The following ACKR5 variants were observed in gnomAD, a reference collection of about 807,000 sequenced individuals.
ACKR5 encodes the protein atypical chemokine receptor 5.
the ACKR5 span, chr12:56,994,784 C>T: frequency 3.0e-5 from 6 of 199,830 alleles, no homozygotes; most frequent in African/African-American, 1.2e-4. Flanking sequence ...TCCACACTCA[C>T]GGTCCAAATA....
chr12:56,996,754 C>T, the ACKR5 span: 8 of 266,110 alleles, frequency 3.0e-5, no homozygotes, highest in Non-Finnish European at 5.0e-5. Flanking sequence ...AAGAGGTGCT[C>T]GGCAGAGGAA....
the ACKR5 span, chr12:56,995,055 GT>G: frequency 3.0e-6 from 2 of 671,624 alleles, no homozygotes; most frequent in South Asian, 3.6e-5. This position sits in a 1 kb window ranked among gnomAD's most constrained non-coding sequence, Gnocchi z 4.7. Flanking sequence ...TTTATTCACA[GT>G]TTGAAAGCTA....
At chr12:56,996,495 GA>G in the ACKR5 span, 28 of 1,388,970 alleles carry the variant, frequency 2.0e-5, no homozygotes, top group Non-Finnish European at 2.6e-5. Context: ...GATTTGGGGG[GA>G]TGTAGAGGGG....
the ACKR5 span, chr12:56,995,382 C>T: frequency 6.2e-6 from 10 of 1,614,204 alleles, no homozygotes; most frequent in South Asian, 1.1e-5. The surrounding 1 kb of genome is among the most constrained non-coding windows in gnomAD (Gnocchi z 4.7). Flanking sequence ...GTCCTCTTTG[C>T]CCTCTACCTG....
the ACKR5 span, chr12:56,995,714 G>A: frequency 4.3e-6 from 7 of 1,613,832 alleles, no homozygotes; most frequent in Non-Finnish European, 5.9e-6. The surrounding 1 kb of genome is among the most constrained non-coding windows in gnomAD (Gnocchi z 4.7). Context: ...CCAGCACCGA[G>A]TGCGGCGGGC....
At chr12:56,995,335 G>A in the ACKR5 span, 5 of 1,614,100 alleles carry the variant, frequency 3.1e-6, no homozygotes, top group Non-Finnish European at 4.2e-6. This position sits in a 1 kb window ranked among gnomAD's most constrained non-coding sequence, Gnocchi z 4.7. Flanking sequence ...CTTTGTCTGA[G>A]TGCCACGTGG....
At chr12:56,995,327 T>C in the ACKR5 span, 1 of 1,614,164 alleles carries the variant, frequency 6.2e-7, no homozygotes, top group South Asian at 1.1e-5. The surrounding 1 kb of genome is among the most constrained non-coding windows in gnomAD (Gnocchi z 4.7). Flanking sequence ...CAACCACACT[T>C]TGTCTGAGTG....
At chr12:56,996,021 G>A in the ACKR5 span, 2 of 1,610,366 alleles carry the variant, frequency 1.2e-6, no homozygotes, top group Non-Finnish European at 1.7e-6. Flanking sequence ...GTCATGTGCT[G>A]GCTGCCCTAT....
chr12:56,995,851 G>C, the ACKR5 span: 3 of 1,613,402 alleles, frequency 1.9e-6, no homozygotes, highest in East Asian at 2.2e-5. This position sits in a 1 kb window ranked among gnomAD's most constrained non-coding sequence, Gnocchi z 4.7. Context: ...ACAGCACCTG[G>C]GCCCTGGCGG....
chr12:56,998,288 A>G, the ACKR5 span: 1 of 152,218 alleles, frequency 6.6e-6, no homozygotes, highest in East Asian at 1.9e-4. Flanking sequence ...AGTGGGAACC[A>G]GCTGTTACAC....
the ACKR5 span, chr12:56,996,862 T>A: frequency 1.2e-5 from 2 of 162,356 alleles, no homozygotes; most frequent in South Asian, 1.8e-4. Flanking sequence ...TTGTTGATCT[T>A]CCAGCTCACT....
At chr12:56,995,066 A>G in the ACKR5 span, 2 of 704,116 alleles carry the variant, frequency 2.8e-6, no homozygotes, top group Non-Finnish European at 4.9e-6. The surrounding 1 kb of genome is among the most constrained non-coding windows in gnomAD (Gnocchi z 4.7). Context: ...TTTGAAAGCT[A>G]AACTTCCCTT....
chr12:56,996,093 T>C, the ACKR5 span: 1 of 1,613,556 alleles, frequency 6.2e-7, no homozygotes, highest in Non-Finnish European at 8.5e-7. Context: ...TGCCACCTGG[T>C]CCACCTGCTC....
chr12:56,996,440 C>T, the ACKR5 span: 2 of 1,542,966 alleles, frequency 1.3e-6, no homozygotes, highest in Non-Finnish European at 1.7e-6. Context: ...AGGCCAGACT[C>T]CTCCAACAGT....
the ACKR5 span, chr12:56,995,234 C>T: frequency 6.2e-7 from 1 of 1,613,608 alleles, no homozygotes; most frequent in African/African-American, 1.3e-5. The surrounding 1 kb of genome is among the most constrained non-coding windows in gnomAD (Gnocchi z 4.7). Context: ...CAGCTGGGGG[C>T]CTGGCCCCTC....
chr12:56,995,751 C>T, the ACKR5 span: 22 of 1,613,810 alleles, frequency 1.4e-5, no homozygotes, highest in South Asian at 3.3e-5. The surrounding 1 kb of genome is among the most constrained non-coding windows in gnomAD (Gnocchi z 4.7). Context: ...TGGGTCCTCT[C>T]GGCCATCATC....
At chr12:56,998,842 ATTTC>A in the ACKR5 span, 1 of 152,684 alleles carries the variant, frequency 6.5e-6, no homozygotes, top group Non-Finnish European at 1.5e-5. Context: ...CTCATTTCAA[ATTTC>A]TTTTTTTATT....
chr12:56,996,661 A>C, the ACKR5 span: 1 of 473,622 alleles, frequency 2.1e-6, no homozygotes, highest in Non-Finnish European at 3.8e-6. Flanking sequence ...AAAAAGGTGA[A>C]ATAAATGGAA....
chr12:56,995,628 G>GC, the ACKR5 span: 1 of 1,614,084 alleles, frequency 6.2e-7, no homozygotes, highest in South Asian at 1.1e-5. This position sits in a 1 kb window ranked among gnomAD's most constrained non-coding sequence, Gnocchi z 4.7. Context: ...ATGTATAGCA[G>GC]CATCTTCTTC....
Sources: allele counts gnomAD v4.1 joint callset, GRCh38; gene constraint gnomAD v4.1.1; non-coding constraint Gnocchi (gnomAD v3.1); transcripts MANE v1.5; gene names NCBI Gene and HGNC (gene_info 2026-07-23, HGNC 2026-07-21).